KCTD20: variants seen among roughly 807,000 people sequenced by gnomAD.
KCTD20 encodes the protein BTB/POZ domain-containing protein KCTD20.
A neutral mutation model predicts 39.6 loss-of-function variants in KCTD20; 30 were observed. The observed-to-expected ratio is 0.76, with a 90% CI of 0.57 to 1.03. The LOEUF is 1.03. KCTD20 is among the 50% of genes least tolerant of loss of function. KCTD20 has a pLI of 0.00. For synonymous variants in KCTD20, 162 were observed against 180.6 expected, an observed-to-expected ratio of 0.90 and a Z score of 0.83; for missense variants, 422 against 522.0, an observed-to-expected ratio of 0.81 and a Z score of 1.87.
chr6:36,451,852 C>CA (rs1775266732), intron 1 of KCTD20, among the ~76,000 whole-genome samples: 1 of 152,166 alleles, frequency 6.6e-6, no homozygotes, highest in South Asian at 2.1e-4. Flanking sequence ...CTCACTCTGT[C>CA]ACCCAGGCAG....
At position 36,488,870 on chromosome 6, in the gene KCTD20, GTTC is replaced by G. The variant is rs1052695211; in HGVS notation, c.*1699_*1701del. 1 of 152,644 alleles carries G rather than the reference GTTC, an allele frequency of 6.6e-6. No homozygotes were observed. Among genetic ancestry groups the G allele is most frequent in the African/African-American group, 2.4e-5 (1 of 41,466 alleles). The allele number at this position is 152,644 out of a possible 1,614,324, so 9.5% of individuals were successfully genotyped here. A position where few individuals can be genotyped will look rare whatever the true frequency, so the allele number is the denominator to read the frequency against. ...GCATCACTGTGGAAATTAATGCTCTGTTCTTCACTAGAATGTAGTAAGTGGTTA... is the reference window on the plus strand; with the variant it reads ...GCATCACTGTGGAAATTAATGCTCTGTTCACTAGAATGTAGTAAGTGGTTA... On this transcript the variant is annotated 3_prime_UTR_variant, in exon 8 of 8. Transcript: ENST00000373731.
At chr6:36,474,387 A>C (rs538662193) in intron 2 of KCTD20, among the ~76,000 whole-genome samples, 1 of 152,332 alleles carries the variant, frequency 6.6e-6, no homozygotes, top group South Asian at 2.1e-4. Context: ...ATAGAAGTGA[A>C]AACAAGTAAA....
At chr6:36,454,747 C>T (rs1046629138) in intron 1 of KCTD20, among the ~76,000 whole-genome samples, 1 of 152,026 alleles carries the variant, frequency 6.6e-6, no homozygotes, top group Non-Finnish European at 1.5e-5. Flanking sequence ...AAGCAGTTCT[C>T]CCGCCTCAGT....
rs1025811529 is a variant in KCTD20, at chr6:36,489,000, T to C, written c.*1825T>C. The C allele has an allele frequency of 6.5e-6, 1 of 152,672 alleles. No homozygotes were observed. Among genetic ancestry groups the C allele is most frequent in the African/African-American group, 2.4e-5 (1 of 41,450 alleles). The allele number at this position is 152,672 out of a possible 1,614,324, so 9.5% of individuals were successfully genotyped here. On this transcript the variant is annotated 3_prime_UTR_variant, in exon 8 of 8. Coordinates refer to ENST00000373731, the MANE Select transcript of KCTD20 (RefSeq NM_173562.5). ...TTTGTAGCTAGAAGGTAATTTTATT[T>C]CTGTGAAACTAATTGGCTCATATTT... is the stretch of plus-strand genomic sequence containing the variant.
At chr6:36,467,318 A>ACTTTTTTTTTTTTTT in intron 1 of KCTD20, among the ~76,000 whole-genome samples, 2 of 29,850 alleles carry the variant, frequency 6.7e-5, no homozygotes, top group Non-Finnish European at 1.2e-4. Flanking sequence ...ATCCTTCAGG[A>ACTTTTTTTTTTTTTT]TTTTTTTTTT....
At chr6:36,457,985 C>T (rs774795984) in intron 1 of KCTD20, among the ~76,000 whole-genome samples, 16 of 151,872 alleles carry the variant, frequency 1.1e-4, no homozygotes, top group African/African-American at 2.9e-4. Context: ...AAAATTGTGG[C>T]GGTGGGTGAT....
At chr6:36,478,410 C>T (rs1187929885) in intron 3 of KCTD20, among the ~76,000 whole-genome samples, 1 of 152,180 alleles carries the variant, frequency 6.6e-6, no homozygotes, top group Non-Finnish European at 1.5e-5. Flanking sequence ...CCTGTACCCT[C>T]ATGACTTCTG....
rs1454140816 is a variant in KCTD20, at chr6:36,463,654, TCTC to T, written c.-46-6395_-46-6393del. Among the ~76,000 whole-genome samples the T allele has an allele frequency of 7.2e-5, 11 of 152,176 alleles. 1 individual carries two copies. Among genetic ancestry groups the T allele is most frequent in the Admixed American group, 7.2e-4 (11 of 15,276 alleles). ...GAATTGAAGGAACCTAGCTAGCCCT[TCTC>T]CTTCCATCATGTGAGGACGCCTGGA... On this transcript the variant is annotated intron_variant, in intron 1 of 7. Coordinates refer to ENST00000373731, the MANE Select transcript of KCTD20 (RefSeq NM_173562.5).
In KCTD20 at chr6:36,474,906, CT is replaced by C. The variant is rs1256443823; in HGVS notation, c.282del (p.Phe94LeufsTer26). 3 of 1,614,010 alleles carry C rather than the reference CT, an allele frequency of 1.9e-6. No individual in the cohort carries two copies. Among genetic ancestry groups the C allele is most frequent in the African/African-American group, 2.7e-5 (2 of 74,904 alleles). On this transcript the variant is annotated frameshift_variant, in exon 3 of 8. Transcript: ENST00000373731. LOFTEE classifies it high-confidence loss of function. ...FQSGNKRNHE[P>X]FIAPERFGNS... is the part of the protein sequence containing the mutation. ...AGTGGGAATAAACGGAACCATGAAC[CT>C]TTTATTGCTCCAGAAAGATTTGGAA...
intron 3 of KCTD20, among the ~76,000 whole-genome samples, chr6:36,477,270 T>C (rs891518716): frequency 2.6e-5 from 4 of 152,170 alleles, no homozygotes; most frequent in African/African-American, 9.7e-5. Flanking sequence ...ACTAAATAAA[T>C]AACTCTGAGC....
intron 1 of KCTD20, chr6:36,452,530 ATCTTCATTTTCTTTT>A: frequency 6.9e-6 from 1 of 144,346 alleles, no homozygotes; most frequent in East Asian, 2.0e-4. Flanking sequence ...TGTAGTGTGC[ATCTTCATTTTCTTTT>A]TTTTTTTTTT....
rs1339618696 is a variant in KCTD20 at position 36,489,398 on chromosome 6, C to T, written c.*2223C>T. On this transcript the variant is annotated 3_prime_UTR_variant, in exon 8 of 8. Transcript: ENST00000373731. ...TCTTTTTTCCCCCAAATTAGGTTAA[C>T]ATGCATTTGACCCCAACCTGTGGGG... 1 of 152,156 alleles carries T rather than the reference C, an allele frequency of 6.6e-6. No homozygotes were observed. The highest frequency in any genetic ancestry group is 1.9e-4 in the East Asian group (1 of 5,194). 9.4% of individuals were successfully genotyped at this position (152,156 alleles called of 1,614,324 possible). A position where few individuals can be genotyped will look rare whatever the true frequency, so the allele number is the denominator to read the frequency against.
In KCTD20 at chr6:36,487,272, A is replaced by G; in HGVS notation, c.*97A>G. 1 of 1,223,906 alleles carries G rather than the reference A, an allele frequency of 8.2e-7. No individual in the cohort carries two copies. Among genetic ancestry groups the G allele is most frequent in the Non-Finnish European group, 1.2e-6 (1 of 863,840 alleles). The allele number at this position is 1,223,906 out of a possible 1,614,324, so 75.8% of individuals were successfully genotyped here. ...ATTTGTCTCACCTTGAGTAGGAGAC[A>G]TGCTTCTCCCCTAACCTTTTCCTTT... On this transcript the variant is annotated 3_prime_UTR_variant, in exon 8 of 8. Transcript: ENST00000373731.
chr6:36,468,776 T>C (rs1055166662), intron 1 of KCTD20, among the ~76,000 whole-genome samples: 3 of 152,252 alleles, frequency 2.0e-5, no homozygotes, highest in African/African-American at 7.2e-5. Flanking sequence ...ATACATTCAC[T>C]TTATTCCTTC....
intron 6 of KCTD20, among the ~76,000 whole-genome samples, chr6:36,482,015 C>T (rs1172521450): frequency 6.6e-6 from 1 of 152,126 alleles, no homozygotes; most frequent in Non-Finnish European, 1.5e-5. Context: ...TGGTGTCATT[C>T]TTCTCTTAAT....
chr6:36,461,751 G>A (rs1238605595), intron 1 of KCTD20, among the ~76,000 whole-genome samples: 1 of 152,122 alleles, frequency 6.6e-6, no homozygotes, highest in Non-Finnish European at 1.5e-5. Context: ...AACGTACTAA[G>A]GGTAGTAAGT....
In KCTD20 at chr6:36,487,140, C is replaced by T. The variant is rs779780357; in HGVS notation, c.1225C>T (p.Leu409Phe). Residue 409 changes from leucine to phenylalanine, a missense_variant, in exon 8 of 8, where the codon CTT becomes TTT. By Grantham distance (22) the Leu-to-Phe change is conservative (BLOSUM62 0). Transcript: ENST00000373731. ...TGAACTTGACCGGCTAAATGCCCCA[C>T]TTTCTCAGATGGCTTCTAACGACTT... ...VDELDRLNAP[L>F]SQMASNDFQD The T allele has an allele frequency of 1.9e-6, 3 of 1,614,026 alleles. No homozygotes were observed. The South Asian group carries it at 3.3e-5, about 18-fold the overall frequency.
In KCTD20 at chr6:36,447,082, T is replaced by C. The variant is rs180921918; in HGVS notation, c.-47+3971T>C. On this transcript the variant is annotated intron_variant, in intron 1 of 7. Coordinates refer to ENST00000373731, the MANE Select transcript of KCTD20 (RefSeq NM_173562.5). ...AGCCATTAAAATATATGCTCAAGAG[T>C]GTCCTAGTTATATTTCATTGGGAAG... is the stretch of plus-strand genomic sequence containing the variant. 1.2e-3 allele frequency among the ~76,000 whole-genome samples: 179 copies of C among 152,190 alleles called. 1 individual carries two copies. The highest frequency in any genetic ancestry group is 8.4e-3 in the Admixed American group (128 of 15,284).
At chr6:36,471,455 C>T (rs1775908254) in intron 2 of KCTD20, among the ~76,000 whole-genome samples, 1 of 152,108 alleles carries the variant, frequency 6.6e-6, no homozygotes, top group African/African-American at 2.4e-5. Flanking sequence ...AGAGACTGAC[C>T]ACAAGCCTAA....
Sources: allele counts gnomAD v4.1 joint callset (sites outside exome capture counted in the v4.1 genomes callset), GRCh38; gene constraint gnomAD v4.1.1; transcripts MANE v1.5; gene names NCBI Gene and HGNC (gene_info 2026-07-23, HGNC 2026-07-21).